Variants in SLU7 observed in about 807,000 individuals in gnomAD.
SLU7 encodes spliceosome associated SLU7, also known as pre-mRNA-splicing factor SLU7.
Under a neutral mutation model 87.0 loss-of-function variants are expected in SLU7, and 60 were observed. The ratio of observed to expected loss-of-function variants is 0.69; its 90% CI spans 0.56 to 0.86. The LOEUF is 0.86. Ranked by LOEUF, SLU7 falls within the 40% of genes least tolerant of loss-of-function variation. The probability of loss-of-function intolerance (pLI) is 0.00; values close to 1 mark genes in which losing one functional copy is unlikely to be tolerated. For synonymous variants in SLU7, 197 were observed against 222.0 expected (o/e 0.89, Z 1.00); for missense variants, 507 against 686.6 (o/e 0.74, Z 2.92).
chr5:160,406,474 A>T lies in SLU7; in HGVS notation c.1281T>A (p.Asn427Lys), dbSNP rs1157402554. The change falls in exon 12 of 16, where the codon AAT becomes AAA. Residue 427 changes from asparagine to lysine, a missense_variant. Coordinates refer to ENST00000297151, the MANE Select transcript of SLU7 (RefSeq NM_006425.5). ...GTTCCAGTTTAGCACATACTGTGTGATTGTGGATCTTCACATCCTCCTCAT... is the reference window on the plus strand; with the variant it reads ...GTTCCAGTTTAGCACATACTGTGTGTTTGTGGATCTTCACATCCTCCTCAT... ...SKYEEDVKIH[N>K]HTHIWGSYWK... 6.2e-7 allele frequency: 1 copy of T among 1,608,468 alleles called. No individual in the cohort carries two copies. Among genetic ancestry groups the T allele is most frequent in the African/African-American group, 1.3e-5 (1 of 74,494 alleles).
In SLU7 at chr5:160,408,535, TA is replaced by T. The variant is rs1765100700; in HGVS notation, c.688-76del. On this transcript the variant is annotated intron_variant, in intron 7 of 15. Coordinates refer to ENST00000297151, the MANE Select transcript of SLU7 (RefSeq NM_006425.5). Reference sequence around the variant, plus strand: ...AGTTCTTTTTTTTCCCCTTTCCCTTTAACCAAACCCTTATTTACTTGTGTTC... The same window carrying T: ...AGTTCTTTTTTTTCCCCTTTCCCTTTACCAAACCCTTATTTACTTGTGTTC... 14 of 1,489,172 alleles carry T rather than the reference TA, an allele frequency of 9.4e-6. No homozygotes were observed. The South Asian group carries it at 1.6e-4, about 17-fold the overall frequency. 92.2% of individuals were successfully genotyped at this position (1,489,172 alleles called of 1,614,324 possible).
At chr5:160,414,110 C>T (rs1017972266) in intron 3 of SLU7, 131 bp from the exon 4 acceptor site, 25 of 688,002 alleles carry the variant, frequency 3.6e-5, no homozygotes, top group Middle Eastern at 7.5e-4. Context: ...AGTCTCCACA[C>T]ATTTATAAAT....
chr5:160,412,350 C>T, intron 6 of SLU7, 101 bp downstream of exon 6: 1 of 739,924 alleles, frequency 1.4e-6, no homozygotes. Context: ...TAGCATTTCT[C>T]TCTTCCTAAC....
Position 160,414,313 on chromosome 5 carries a change from A to G in SLU7, c.324+6T>C. 2 of 1,592,174 alleles carry G rather than the reference A, an allele frequency of 1.3e-6. No homozygotes were observed. The highest frequency in any genetic ancestry group is 1.7e-6 in the Non-Finnish European group (2 of 1,172,138). ...CCATGAAGATGTATACAGGTTGCCT[A>G]CATACCTCTTTTACACCCCTCTTGT... On this transcript the variant is annotated splice_donor_region_variant and intron_variant, in intron 3 of 15. Coordinates refer to ENST00000297151, the MANE Select transcript of SLU7 (RefSeq NM_006425.5).
In SLU7 at chr5:160,408,527, T is replaced by C. The variant is rs1020827201; in HGVS notation, c.688-67A>G. ...CAGCATGTAGTTCTTTTTTTTCCCC[T>C]TTCCCTTTAACCAAACCCTTATTTA... is the stretch of plus-strand genomic sequence containing the variant. On this transcript the variant is annotated intron_variant, in intron 7 of 15. Coordinates refer to ENST00000297151, the MANE Select transcript of SLU7 (RefSeq NM_006425.5). The C allele has an allele frequency of 6.5e-6, 10 of 1,528,184 alleles. No individual in the cohort carries two copies. In the South Asian group the frequency reaches 9.8e-5, roughly 15 times the overall value. 94.7% of individuals were successfully genotyped at this position (1,528,184 alleles called of 1,614,324 possible).
At chr5:160,416,544 A>C (rs1303357686) in intron 1 of SLU7, among the ~76,000 whole-genome samples, 2 of 152,144 alleles carry the variant, frequency 1.3e-5, no homozygotes, top group Non-Finnish European at 2.9e-5. Context: ...TCTGAAATCT[A>C]ATCTCCTACT....
intron 6 of SLU7, among the ~76,000 whole-genome samples, chr5:160,409,346 G>A (rs1765140164): frequency 9.8e-6 from 1 of 101,908 alleles, no homozygotes; most frequent in Non-Finnish European, 2.3e-5. Context: ...TAACTCCACA[G>A]AATGCCTACA....
rs1396618047 is a variant in SLU7 at position 160,402,091 on chromosome 5, C to T, written c.*1194G>A. On this transcript the variant is annotated 3_prime_UTR_variant, in exon 16 of 16. Transcript: ENST00000297151. Reference sequence around the variant, plus strand: ...TATTACTAATATCCCTAGAAGCTATCCTTATAATTCTTTCAATAAACCAAC... The same window carrying T: ...TATTACTAATATCCCTAGAAGCTATTCTTATAATTCTTTCAATAAACCAAC... 6 of 152,150 alleles carry T rather than the reference C, an allele frequency of 3.9e-5. No individual in the cohort carries two copies. Among genetic ancestry groups the T allele is most frequent in the African/African-American group, 1.2e-4 (5 of 41,422 alleles). The allele number at this position is 152,150 out of a possible 1,614,324, so 9.4% of individuals were successfully genotyped here.
At position 160,414,984 on chromosome 5, in the gene SLU7, T is replaced by C. The variant is rs377239342; in HGVS notation, c.170+141A>G. 77 of 642,640 alleles carry C rather than the reference T, an allele frequency of 1.2e-4. No homozygotes were observed. In the East Asian group the frequency reaches 1.7e-3, roughly 14 times the overall value. The allele number at this position is 642,640 out of a possible 1,614,324, so 39.8% of individuals were successfully genotyped here. A position where few individuals can be genotyped will look rare whatever the true frequency, so the allele number is the denominator to read the frequency against. On this transcript the variant is annotated intron_variant, in intron 2 of 15. Transcript: ENST00000297151. ...AACATAATTTCATTATTAAACCATA[T>C]GCATATGAGTTTGATAAAATAAAAA...
intron 1 of SLU7, among the ~76,000 whole-genome samples, chr5:160,415,894 T>C (rs1765432914): frequency 6.6e-6 from 1 of 152,110 alleles, no homozygotes; most frequent in African/African-American, 2.4e-5. Flanking sequence ...TTGGTTTTTC[T>C]TTTTCTTTTT....
chr5:160,405,921 C>T (rs866611684), intron 12 of SLU7, among the ~76,000 whole-genome samples: 7 of 151,994 alleles, frequency 4.6e-5, no homozygotes, highest in Non-Finnish European at 7.4e-5. Context: ...AAATTTGAAA[C>T]GAATTCTGAC....
rs1765344769 is a variant in SLU7, at chr5:160,413,902, A to G, written c.402T>C (p.Phe134=). 1.3e-6 allele frequency: 2 copies of G among 1,590,234 alleles called. No homozygotes were observed. Among genetic ancestry groups the G allele is most frequent in the Non-Finnish European group, 1.7e-6 (2 of 1,171,044 alleles). ...GAMTHKKKDC[F]ERPRRVGAKF... Reference sequence around the variant, plus strand: ...AAATTTTCAAAGGTGAACTTACCTCAAAGCAGTCTTTCTTTTTGTGTGTCA... The same window carrying G: ...AAATTTTCAAAGGTGAACTTACCTCGAAGCAGTCTTTCTTTTTGTGTGTCA... Residue 134 remains phenylalanine, a synonymous_variant, in exon 4 of 16, where the codon TTT becomes TTC. Coordinates refer to ENST00000297151, the MANE Select transcript of SLU7 (RefSeq NM_006425.5).
chr5:160,413,100 C>CT (rs929792954), intron 5 of SLU7, among the ~76,000 whole-genome samples: 5 of 152,142 alleles, frequency 3.3e-5, no homozygotes, highest in African/African-American at 1.2e-4. Context: ...TGGGAGGCAA[C>CT]TATAAAATAG....
At position 160,402,875 on chromosome 5, in the gene SLU7, C is replaced by G. The variant is rs1439483887; in HGVS notation, c.*410G>C. ...CTAAAAATACAAAAAATTAGCTGAG[C>G]ATGGTGGCGGGCGCCTGTAGTCCCA... On this transcript the variant is annotated 3_prime_UTR_variant, in exon 16 of 16. Transcript: ENST00000297151. The G allele has an allele frequency of 6.6e-6, 1 of 152,456 alleles. No individual in the cohort carries two copies. The highest frequency in any genetic ancestry group is 2.4e-5 in the African/African-American group (1 of 41,396). The allele number at this position is 152,456 out of a possible 1,614,324, so 9.4% of individuals were successfully genotyped here.
At chr5:160,415,658 AGAAT>A (rs1419187219) in intron 1 of SLU7, among the ~76,000 whole-genome samples, 1 of 152,214 alleles carries the variant, frequency 6.6e-6, no homozygotes, top group African/African-American at 2.4e-5. Flanking sequence ...TACCCCTTCA[AGAAT>A]GAATATCTCA....
rs771649178 is a variant in SLU7 at position 160,413,639 on chromosome 5, T to G, written c.406-19A>C. 9 of 1,594,558 alleles carry G rather than the reference T, an allele frequency of 5.6e-6. No homozygotes were observed. The highest frequency in any genetic ancestry group is 3.6e-5 in the Admixed American group (2 of 55,490). ...TAGGTCTCTAAAAACAGAGTAAGAT[T>G]TAATCTTTTCCTAAGTTTTTATGGC... is the stretch of plus-strand genomic sequence containing the variant. On this transcript the variant is annotated intron_variant, in intron 4 of 15. Transcript: ENST00000297151.
rs1765078626 is a variant in SLU7 at position 160,408,047 on chromosome 5, T to C, written c.841A>G (p.Asn281Asp). ...GTTTTTGGATCATAGTAGGCAGAATTTGGATCTAAATTCCTCAAATACTAG... is the reference window on the plus strand; with the variant it reads ...GTTTTTGGATCATAGTAGGCAGAATCTGGATCTAAATTCCTCAAATACTAG... ...IAKYLRNLDP[N>D]SAYYDPKTRA... is the part of the protein sequence containing the mutation. Residue 281 changes from asparagine to aspartate, a missense_variant, in exon 9 of 16, where the codon AAT becomes GAT. Physicochemically the swap from Asn to Asp is conservative, Grantham distance 23 (BLOSUM62 1). Coordinates refer to ENST00000297151, the MANE Select transcript of SLU7 (RefSeq NM_006425.5). 3 of 1,611,288 alleles carry C rather than the reference T, an allele frequency of 1.9e-6. No individual in the cohort carries two copies. Among genetic ancestry groups the C allele is most frequent in the Non-Finnish European group, 2.5e-6 (3 of 1,177,630 alleles).
intron 12 of SLU7, among the ~76,000 whole-genome samples, chr5:160,405,522 G>A (rs1393872968): frequency 6.6e-6 from 1 of 152,196 alleles, no homozygotes; most frequent in Non-Finnish European, 1.5e-5. Context: ...CTTCACTCAT[G>A]TATGATCACT....
chr5:160,414,477 A>G lies in SLU7; in HGVS notation c.171-5T>C. On this transcript the variant is annotated splice_polypyrimidine_tract_variant and splice_region_variant and intron_variant, in intron 2 of 15. Transcript: ENST00000297151. ...GGAATATGGGGGTTGATGTCTCTGT[A>G]ATTAAAGTAAAAAAAAAAAAAATTT... 1 of 1,524,030 alleles carries G rather than the reference A, an allele frequency of 6.6e-7. No individual in the cohort carries two copies. Among genetic ancestry groups the G allele is most frequent in the East Asian group, 2.3e-5 (1 of 43,012 alleles). The allele number at this position is 1,524,030 out of a possible 1,614,324, so 94.4% of individuals were successfully genotyped here.
Sources: gnomAD v4.1 joint callset for allele counts (sites outside exome capture counted in the v4.1 genomes callset) on GRCh38, gnomAD v4.1.1 for gene constraint, MANE v1.5 for transcripts, NCBI Gene and HGNC (gene_info 2026-07-23, HGNC 2026-07-21) for gene names.